PRKD1: variants seen among roughly 807,000 people sequenced by gnomAD.
The protein encoded by PRKD1 is protein kinase D1.
Under a neutral mutation model 95.9 loss-of-function variants are expected in PRKD1, and 63 were observed. The observed-to-expected ratio is 0.66, with a 90% CI of 0.54 to 0.81. The LOEUF (loss-of-function observed/expected upper bound fraction) is 0.81, where lower values mean the gene tolerates loss of function less well. PRKD1 is among the 30% of genes least tolerant of loss of function. The pLI, the probability that PRKD1 is intolerant of heterozygous loss-of-function variation, is 0.00. For missense variants in PRKD1, 1,048 were observed against 1,165.3 expected (o/e 0.90, Z 1.47); for synonymous variants, 425 against 423.1 (o/e 1.00, Z -0.05).
chr14:29,631,139 T>C (rs1229072766), intron 9 of PRKD1, 118 bp from the exon 10 acceptor site: 9 of 1,027,194 alleles, frequency 8.8e-6, no homozygotes, highest in East Asian at 2.6e-5. Flanking sequence ...TTAAATAAAA[T>C]ACTTTTAAAC....
At chr14:29,622,082 T>C (rs1879301824) in intron 13 of PRKD1, among the ~76,000 whole-genome samples, 1 of 152,116 alleles carries the variant, frequency 6.6e-6, no homozygotes, top group Non-Finnish European at 1.5e-5. Context: ...CATGGGAGCA[T>C]GGAGGGGGCG....
intron 4 of PRKD1, among the ~76,000 whole-genome samples, chr14:29,651,072 C>T (rs975937727): frequency 2.6e-5 from 4 of 152,114 alleles, no homozygotes; most frequent in Admixed American, 6.5e-5. Flanking sequence ...AAACATGTAG[C>T]GCTGTGTGTG....
chr14:29,831,880 T>A lies in PRKD1; in HGVS notation c.264+95369A>T, dbSNP rs139002022. 1.8e-4 allele frequency among the ~76,000 whole-genome samples: 28 copies of A among 152,280 alleles called. No homozygotes were observed. In the East Asian group the frequency reaches 5.0e-3, roughly 27 times the overall value. On this transcript the variant is annotated intron_variant, in intron 1 of 17. Transcript: ENST00000331968. ...ATGTACATGTTAGATATCATAAGTA[T>A]GTTGCTGTATTAGTCCAAAATTATG...
chr14:29,869,752 A>G (rs28473485), intron 1 of PRKD1, among the ~76,000 whole-genome samples: 5,312 of 152,298 alleles, frequency 0.035, 115 homozygotes, highest in East Asian at 0.061. Context: ...GTCTGCCCAG[A>G]GCGACAGCAT....
At chr14:29,819,563 G>A (rs988331201) in intron 1 of PRKD1, among the ~76,000 whole-genome samples, 5 of 151,978 alleles carry the variant, frequency 3.3e-5, no homozygotes, top group African/African-American at 9.7e-5. Flanking sequence ...GGTGGCGGGC[G>A]CCTGTAGTCC....
chr14:29,926,943 G>C (rs1895320934), intron 1 of PRKD1, among the ~76,000 whole-genome samples: 1 of 152,074 alleles, frequency 6.6e-6, no homozygotes, highest in Non-Finnish European at 1.5e-5. Context: ...AAGGAGGGGC[G>C]CGGCGAGGAA....
At chr14:29,808,651 T>A (rs1890351304) in intron 1 of PRKD1, among the ~76,000 whole-genome samples, 1 of 151,926 alleles carries the variant, frequency 6.6e-6, no homozygotes, top group Non-Finnish European at 1.5e-5. Context: ...CTGCCCATCT[T>A]GGCCTCCCAA....
At chr14:29,597,431 A>T in intron 16 of PRKD1, 60 bp downstream of exon 16, 1 of 1,412,092 alleles carries the variant, frequency 7.1e-7, no homozygotes, top group Admixed American at 2.3e-5. Flanking sequence ...AATTAATTTA[A>T]ATTAATAACA....
At chr14:29,681,250 A>G (rs868644533) in intron 2 of PRKD1, among the ~76,000 whole-genome samples, 1 of 152,204 alleles carries the variant, frequency 6.6e-6, no homozygotes, top group Non-Finnish European at 1.5e-5. Context: ...CGAGTTCTAT[A>G]TTGGTATTCT....
In PRKD1 at chr14:29,862,101, A is replaced by C. The variant is rs534898386; in HGVS notation, c.264+65148T>G. 1.2e-3 allele frequency among the ~76,000 whole-genome samples: 182 copies of C among 152,220 alleles called. 3 individuals are homozygous for C. Among genetic ancestry groups the C allele is most frequent in the African/African-American group, 4.1e-3 (172 of 41,544 alleles). On this transcript the variant is annotated intron_variant, in intron 1 of 17. Transcript: ENST00000331968. ...CATGGGTTCAATTGCTTTGATTTTTAGATTCCACAAATAACTGAGGACATG... is the reference window on the plus strand; with the variant it reads ...CATGGGTTCAATTGCTTTGATTTTTCGATTCCACAAATAACTGAGGACATG...
intron 2 of PRKD1, among the ~76,000 whole-genome samples, chr14:29,710,479 G>T (rs1885287026): frequency 6.6e-6 from 1 of 152,052 alleles, no homozygotes; most frequent in Non-Finnish European, 1.5e-5. Context: ...ACCCAGATTG[G>T]TGACCATTCT....
intron 1 of PRKD1, among the ~76,000 whole-genome samples, chr14:29,831,815 T>C (rs1420862478): frequency 6.6e-6 from 1 of 152,200 alleles, no homozygotes; most frequent in African/African-American, 2.4e-5. Context: ...TAATCACTTA[T>C]GGATGTCCAT....
rs58908662 is a variant in PRKD1, at chr14:29,734,028, C to CTTTTTTTTT, written c.265-8363_265-8355dup. On this transcript the variant is annotated intron_variant, in intron 1 of 17. Transcript: ENST00000331968. Reference sequence around the variant, plus strand: ...CTGGTTTTGAGTCATACTTTCCTGCCTTTTTTTTTTTTTTTTTTTTTTTTT... The same window carrying CTTTTTTTTT: ...CTGGTTTTGAGTCATACTTTCCTGCCTTTTTTTTTTTTTTTTTTTTTTTTTTTTTTTTTT... Among the ~76,000 whole-genome samples the CTTTTTTTTT allele has an allele frequency of 2.3e-3, 150 of 64,670 alleles. 19 individuals carry two copies. The highest frequency in any genetic ancestry group is 7.9e-3 in the African/African-American group (100 of 12,728). 42.4% of individuals were successfully genotyped at this position (64,670 alleles called of 152,430 possible). A position where few individuals can be genotyped will look rare whatever the true frequency, so the allele number is the denominator to read the frequency against.
intron 4 of PRKD1, among the ~76,000 whole-genome samples, chr14:29,648,752 T>C (rs1881302565): frequency 6.6e-6 from 1 of 152,164 alleles, no homozygotes; most frequent in Non-Finnish European, 1.5e-5. Flanking sequence ...CCTCCTGGGT[T>C]CATGCCATTC....
chr14:29,728,098 C>G (rs1886251949), intron 1 of PRKD1, among the ~76,000 whole-genome samples: 1 of 151,920 alleles, frequency 6.6e-6, no homozygotes, highest in Admixed American at 6.6e-5. Context: ...CAGCATGTCA[C>G]ATGTATACAT....
intron 1 of PRKD1, among the ~76,000 whole-genome samples, chr14:29,897,294 G>A (rs60820995): frequency 0.065 from 9,929 of 152,000 alleles, 395 homozygotes; most frequent in South Asian, 0.12. Flanking sequence ...TAATACTACT[G>A]TATACTATTT....
At chr14:29,645,543 G>A (rs1329781267) in intron 4 of PRKD1, among the ~76,000 whole-genome samples, 2 of 152,110 alleles carry the variant, frequency 1.3e-5, no homozygotes, top group Non-Finnish European at 2.9e-5. Flanking sequence ...ACAGTGCAGA[G>A]TAACAGCTTA....
At chr14:29,725,729 G>T (rs1594461997) in intron 1 of PRKD1, 55 bp from the exon 2 acceptor site, 3 of 1,565,198 alleles carry the variant, frequency 1.9e-6, no homozygotes, top group East Asian at 4.5e-5. Flanking sequence ...CAAATATTTT[G>T]TTTTAAATAT....
rs1895357884 is a variant in PRKD1 at position 29,927,600 on chromosome 14, TTC to T, written c.-90_-89del. ...GTTTTGCAGCCGCTGAGCCAGGAGC[TTC>T]TTTCTCCGAGAGCCCAGACGGAAAA... On this transcript the variant is annotated 5_prime_UTR_variant, in exon 1 of 18. Coordinates refer to ENST00000331968, the MANE Select transcript of PRKD1 (RefSeq NM_002742.3). 9.7e-7 allele frequency: 1 copy of T among 1,027,750 alleles called. No homozygotes were observed. The highest frequency in any genetic ancestry group is 1.7e-5 in the African/African-American group (1 of 58,212). 63.7% of individuals were successfully genotyped at this position (1,027,750 alleles called of 1,614,324 possible). A position where few individuals can be genotyped will look rare whatever the true frequency, so the allele number is the denominator to read the frequency against.
Sources: allele counts gnomAD v4.1 joint callset (sites outside exome capture counted in the v4.1 genomes callset), GRCh38; gene constraint gnomAD v4.1.1; transcripts MANE v1.5; gene names NCBI Gene and HGNC (gene_info 2026-07-23, HGNC 2026-07-21).